KIAA0513: variants seen among roughly 807,000 people sequenced by gnomAD.
KIAA0513 encodes the protein uncharacterized protein KIAA0513.
Under a neutral mutation model 56.5 loss-of-function variants are expected in KIAA0513, and 39 were observed. That is an observed-to-expected ratio of 0.69 (90% CI 0.53 to 0.90). The LOEUF is 0.90. KIAA0513 is among the 40% of genes least tolerant of loss of function. The pLI is 0.00. For missense variants in KIAA0513, 591 were observed against 535.2 expected (o/e 1.10, Z -1.03); for synonymous variants, 268 against 215.6 (o/e 1.24, Z -2.13).
At chr16:85,054,421 C>CTTTTTTTTTTTTTTT (rs398042273) in intron 1 of KIAA0513, among the ~76,000 whole-genome samples, 14 of 119,548 alleles carry the variant, frequency 1.2e-4, no homozygotes, top group Non-Finnish European at 1.7e-4. Flanking sequence ...TTTTTCTTTT[C>CTTTTTTTTTTTTTTT]TTTTTTTTTT....
At chr16:85,070,048 A>T (rs1395881854) in intron 2 of KIAA0513, among the ~76,000 whole-genome samples, 1 of 151,592 alleles carries the variant, frequency 6.6e-6, no homozygotes. Flanking sequence ...GCATGTACCC[A>T]TAGTCCCAGC....
intron 1 of KIAA0513, among the ~76,000 whole-genome samples, chr16:85,045,782 A>G (rs1043102764): frequency 3.3e-5 from 5 of 152,224 alleles, no homozygotes; most frequent in African/African-American, 9.6e-5. Context: ...CCTCTGCTCC[A>G]GCCTGTGCAG....
At chr16:85,043,281 C>G (rs2073127244) in intron 1 of KIAA0513, among the ~76,000 whole-genome samples, 1 of 152,044 alleles carries the variant, frequency 6.6e-6, no homozygotes, top group South Asian at 2.1e-4. Flanking sequence ...TACCCAGGTA[C>G]ACACCACACA....
chr16:85,045,491 G>C (rs1239011046), intron 1 of KIAA0513, among the ~76,000 whole-genome samples: 1 of 152,176 alleles, frequency 6.6e-6, no homozygotes, highest in Admixed American at 6.5e-5. Flanking sequence ...GAGTAGCTGG[G>C]ATTACAGGCA....
rs780537634 is a variant in KIAA0513 at position 85,088,511 on chromosome 16, C to T, written c.*186C>T. 87 of 589,122 alleles carry T rather than the reference C, an allele frequency of 1.5e-4. No individual in the cohort carries two copies. The highest frequency in any genetic ancestry group is 3.7e-4 in the Admixed American group (13 of 34,862). The allele number at this position is 589,122 out of a possible 1,614,324, so 36.5% of individuals were successfully genotyped here. Reference sequence around the variant, plus strand: ...CCCTCATCTCCTCTGCCTGTGTCTGCGACCCCCATCCATGTGCCAAAGTGT... The same window carrying T: ...CCCTCATCTCCTCTGCCTGTGTCTGTGACCCCCATCCATGTGCCAAAGTGT... On this transcript the variant is annotated 3_prime_UTR_variant, in exon 13 of 13. Coordinates refer to ENST00000683363, the MANE Select transcript of KIAA0513 (RefSeq NM_001388359.1).
chr16:85,073,887 G>C (rs62049918), intron 4 of KIAA0513, among the ~76,000 whole-genome samples: 5,355 of 152,258 alleles, frequency 0.035, 102 homozygotes, highest in Admixed American at 0.056. Context: ...TTCCAGGCCT[G>C]AAAAATATCC....
chr16:85,046,453 G>A lies in KIAA0513; in HGVS notation c.-173+18595G>A, dbSNP rs529250997. Among the ~76,000 whole-genome samples, 56 of 152,294 alleles carry A rather than the reference G, an allele frequency of 3.7e-4. No individual in the cohort carries two copies. The South Asian group carries it at 0.011, about 29-fold the overall frequency. On this transcript the variant is annotated intron_variant, in intron 1 of 12. Coordinates refer to ENST00000683363, the MANE Select transcript of KIAA0513 (RefSeq NM_001388359.1). ...GATGCTCAGCCTACTGCTGACAAGC[G>A]TCAGCCCAGCGGAGGCCCGTCTGCT...
chr16:85,087,305 G>A (rs796328805), intron 12 of KIAA0513, 139 bp downstream of exon 12: 48 of 684,430 alleles, frequency 7.0e-5, no homozygotes, highest in South Asian at 6.1e-4. Flanking sequence ...CTCGGCAGAC[G>A]GCCCCTCCTT....
chr16:85,039,381 C>T (rs552095485), intron 1 of KIAA0513, among the ~76,000 whole-genome samples: 1 of 152,218 alleles, frequency 6.6e-6, no homozygotes, highest in Non-Finnish European at 1.5e-5. Flanking sequence ...GGGCTCCCTG[C>T]AGCCTCAACC....
rs1007277176 is a variant in KIAA0513, at chr16:85,077,727, G to C, written c.782+95G>C. The C allele has an allele frequency of 1.3e-5, 12 of 904,040 alleles. No individual in the cohort carries two copies. The African/African-American group carries it at 2.0e-4, about 15-fold the overall frequency. 56.0% of individuals were successfully genotyped at this position (904,040 alleles called of 1,614,324 possible). On this transcript the variant is annotated intron_variant, in intron 6 of 12. Transcript: ENST00000683363. ...GGGCAGCAGGGAGGGTGCGGGTGAG[G>C]CCCAGAGACTGTCAGGAACACTGCG... is the stretch of plus-strand genomic sequence containing the variant.
At chr16:85,048,766 T>C (rs778912955) in intron 1 of KIAA0513, among the ~76,000 whole-genome samples, 2 of 152,116 alleles carry the variant, frequency 1.3e-5, no homozygotes, top group Non-Finnish European at 1.5e-5. Context: ...ATGATGATAA[T>C]AATACTAATC....
intron 10 of KIAA0513, among the ~76,000 whole-genome samples, chr16:85,084,137 C>T (rs1053219994): frequency 5.4e-5 from 8 of 147,462 alleles, no homozygotes; most frequent in African/African-American, 2.0e-4. Flanking sequence ...TCTCAGCTCA[C>T]TGCAACCTCC....
chr16:85,075,769 C>T, intron 4 of KIAA0513, 75 bp from the exon 5 acceptor site: 1 of 1,288,466 alleles, frequency 7.8e-7, no homozygotes, highest in Non-Finnish European at 1.1e-6. Context: ...TCAAGTGTCT[C>T]AGTGATGTCT....
chr16:85,038,164 T>C (rs887606328), intron 1 of KIAA0513, among the ~76,000 whole-genome samples: 2 of 152,144 alleles, frequency 1.3e-5, no homozygotes, highest in Non-Finnish European at 2.9e-5. Context: ...TGGGCCACAC[T>C]ATGTCGCCGT....
chr16:85,035,978 C>CAAAA (rs898368153), intron 1 of KIAA0513, among the ~76,000 whole-genome samples: 1 of 55,118 alleles, frequency 1.8e-5, no homozygotes, highest in African/African-American at 7.0e-5. Context: ...GACTCCGTCC[C>CAAAA]AAAAAAAAAA....
intron 1 of KIAA0513, among the ~76,000 whole-genome samples, chr16:85,040,669 C>A (rs1465118382): frequency 6.6e-6 from 1 of 152,214 alleles, no homozygotes; most frequent in Non-Finnish European, 1.5e-5. Flanking sequence ...TCATTCCCTT[C>A]TCTCTGTTCA....
At chr16:85,065,709 T>C (rs2073470848) in intron 1 of KIAA0513, among the ~76,000 whole-genome samples, 1 of 152,190 alleles carries the variant, frequency 6.6e-6, no homozygotes, top group Non-Finnish European at 1.5e-5. Flanking sequence ...ATTTGGGGTC[T>C]AACAGGGACA....
chr16:85,028,524 C>T (rs956591014), intron 1 of KIAA0513, among the ~76,000 whole-genome samples: 1 of 152,066 alleles, frequency 6.6e-6, no homozygotes, highest in Non-Finnish European at 1.5e-5. Context: ...GTTTTAGCAG[C>T]TCAGTTTAGG....
intron 1 of KIAA0513, among the ~76,000 whole-genome samples, chr16:85,057,457 G>A (rs2073345674): frequency 6.6e-6 from 1 of 152,226 alleles, no homozygotes; most frequent in Non-Finnish European, 1.5e-5. Flanking sequence ...TGCAGACTAT[G>A]GCAGGTGTGG....
Sources: allele counts gnomAD v4.1 joint callset (sites outside exome capture counted in the v4.1 genomes callset), GRCh38; gene constraint gnomAD v4.1.1; transcripts MANE v1.5; gene names NCBI Gene and HGNC (gene_info 2026-07-23, HGNC 2026-07-21).